The following MYO6 variants were observed in gnomAD, a reference collection of about 807,000 sequenced individuals.
MYO6 encodes the protein unconventional myosin-VI.
MYO6 carries 74 observed loss-of-function variants against 178.7 expected under a neutral mutation model. That is an observed-to-expected ratio of 0.41 (90% CI 0.34 to 0.50). The LOEUF is 0.50. Ranked by LOEUF, MYO6 falls within the 20% of genes least tolerant of loss-of-function variation. The pLI is 0.09. For synonymous variants in MYO6, 477 were observed against 504.6 expected (o/e 0.95, Z 0.73); for missense variants, 1,330 against 1,547.4 (o/e 0.86, Z 2.36).
At chr6:75,825,173 G>A (rs569594690) in intron 3 of MYO6, among the ~76,000 whole-genome samples, 2 of 152,306 alleles carry the variant, frequency 1.3e-5, no homozygotes, top group East Asian at 1.9e-4. Flanking sequence ...TGTGAAGTCA[G>A]TAATTAAAAG....
intron 1 of MYO6, among the ~76,000 whole-genome samples, chr6:75,808,892 A>C (rs1037127803): frequency 6.6e-6 from 1 of 152,226 alleles, no homozygotes; most frequent in Admixed American, 6.5e-5. Flanking sequence ...CTTCCAAATC[A>C]TAGGTAGATA....
intron 1 of MYO6, among the ~76,000 whole-genome samples, chr6:75,775,713 A>C (rs1273053259): frequency 6.6e-6 from 1 of 152,044 alleles, no homozygotes; most frequent in African/African-American, 2.4e-5. Flanking sequence ...TTATTTTGTT[A>C]TTGTTTAACA....
chr6:75,867,969 TATTTCTA>T (rs1179276526), intron 18 of MYO6, among the ~76,000 whole-genome samples: 3 of 152,152 alleles, frequency 2.0e-5, no homozygotes, highest in Non-Finnish European at 1.5e-5. Context: ...ATTTCTTATA[TATTTCTA>T]CAGAGTATTA....
intron 1 of MYO6, among the ~76,000 whole-genome samples, chr6:75,772,918 T>C (rs1467013149): frequency 6.6e-6 from 1 of 152,220 alleles, no homozygotes; most frequent in East Asian, 1.9e-4. Context: ...GTTCAAATAA[T>C]TGGATTTTTA....
chr6:75,757,894 G>A (rs1256769075), intron 1 of MYO6, among the ~76,000 whole-genome samples: 3 of 143,538 alleles, frequency 2.1e-5, no homozygotes, highest in Non-Finnish European at 4.6e-5. Context: ...GTTTTTTTTT[G>A]TCATGTTTAA....
At chr6:75,859,998 T>C (rs1776070374) in intron 14 of MYO6, among the ~76,000 whole-genome samples, 1 of 152,156 alleles carries the variant, frequency 6.6e-6, no homozygotes, top group African/African-American at 2.4e-5. Flanking sequence ...TTCTGCCTAC[T>C]CTGCTGCTGG....
intron 9 of MYO6, among the ~76,000 whole-genome samples, chr6:75,842,102 T>C (rs1173637699): frequency 6.6e-6 from 1 of 152,120 alleles, no homozygotes; most frequent in African/African-American, 2.4e-5. Flanking sequence ...TGCTTGCCCA[T>C]TGGGTGCCAG....
At chr6:75,880,717 A>G (rs188275695) in intron 22 of MYO6, among the ~76,000 whole-genome samples, 1 of 152,034 alleles carries the variant, frequency 6.6e-6, no homozygotes, top group East Asian at 1.9e-4. Context: ...ACAAAGATTT[A>G]AATATCTTTT....
At chr6:75,790,374 CTTT>C (rs869295031) in intron 1 of MYO6, among the ~76,000 whole-genome samples, 1 of 142,902 alleles carries the variant, frequency 7.0e-6, no homozygotes, top group African/African-American at 2.6e-5. Flanking sequence ...TATCTCTCTC[CTTT>C]TTTTTTTTTT....
At chr6:75,891,195 TA>T in intron 26 of MYO6, 32 bp from the exon 27 acceptor site, 1 of 1,439,116 alleles carries the variant, frequency 6.9e-7, no homozygotes, top group Non-Finnish European at 9.6e-7. Flanking sequence ...TATTTTCTGT[TA>T]AATTTTTGAA....
chr6:75,899,356 AAAGAT>A (rs58190563), intron 30 of MYO6, among the ~76,000 whole-genome samples: 19,725 of 152,126 alleles, frequency 0.13, 1,345 homozygotes, highest in Non-Finnish European at 0.15. Context: ...TTTCAAAAGA[AAAGAT>A]AACAACAAAA....
At chr6:75,867,879 A>G (rs1776824185) in intron 18 of MYO6, among the ~76,000 whole-genome samples, 2 of 152,270 alleles carry the variant, frequency 1.3e-5, no homozygotes, top group African/African-American at 2.4e-5. Flanking sequence ...TAGAAAAAAA[A>G]TGTTAAAATT....
At chr6:75,897,272 T>C (rs934222041) in intron 29 of MYO6, among the ~76,000 whole-genome samples, 1 of 152,216 alleles carries the variant, frequency 6.6e-6, no homozygotes, top group Non-Finnish European at 1.5e-5. Flanking sequence ...ATCTGCTGCA[T>C]TTAAAAGTGA....
intron 4 of MYO6, 136 bp from the exon 5 acceptor site, chr6:75,830,280 T>C (rs1424882029): frequency 4.3e-6 from 3 of 701,762 alleles, no homozygotes; most frequent in Non-Finnish European, 7.2e-6. Flanking sequence ...ACTCAGGGAA[T>C]ATTTAGGACT....
intron 30 of MYO6, 67 bp from the exon 31 acceptor site, chr6:75,907,538 T>A: frequency 3.2e-6 from 4 of 1,259,580 alleles, no homozygotes; most frequent in Non-Finnish European, 4.6e-6. Context: ...CATGCTTTCT[T>A]GCCTCTTTAG....
At chr6:75,852,189 T>G (rs13204537) in intron 11 of MYO6, among the ~76,000 whole-genome samples, 19,725 of 152,074 alleles carry the variant, frequency 0.13, 1,350 homozygotes, top group Non-Finnish European at 0.15. Flanking sequence ...AGAAGAAATA[T>G]TTAAATGAAT....
chr6:75,821,041 C>A (rs1274551123), intron 2 of MYO6, among the ~76,000 whole-genome samples: 3 of 152,078 alleles, frequency 2.0e-5, no homozygotes, highest in African/African-American at 7.2e-5. Flanking sequence ...TAAGAGAAAA[C>A]AATTAATGAA....
chr6:75,781,032 C>T (rs911604153), intron 1 of MYO6, among the ~76,000 whole-genome samples: 3 of 152,024 alleles, frequency 2.0e-5, no homozygotes, highest in African/African-American at 4.8e-5. Context: ...AGGTCGGTCT[C>T]AAACTCCTGA....
chr6:75,775,482 C>T (rs1465224463), intron 1 of MYO6, among the ~76,000 whole-genome samples: 1 of 152,182 alleles, frequency 6.6e-6, no homozygotes, highest in South Asian at 2.1e-4. Context: ...TCCAGGCCTC[C>T]CTTGGCTCTG....
Sources: allele counts gnomAD v4.1 joint callset (sites outside exome capture counted in the v4.1 genomes callset), GRCh38; gene constraint gnomAD v4.1.1; transcripts MANE v1.5; gene names NCBI Gene and HGNC (gene_info 2026-07-23, HGNC 2026-07-21).